TENM2: variants seen among roughly 807,000 people sequenced by gnomAD.
The protein encoded by TENM2 is teneurin-2.
In TENM2, 52 loss-of-function variants were observed where a neutral mutation model predicts 245.2. The ratio of observed to expected loss-of-function variants is 0.21; its 90% confidence interval spans 0.17 to 0.27. The LOEUF (loss-of-function observed/expected upper bound fraction) is 0.27, where lower values mean the gene tolerates loss of function less well. Among genes scored for constraint, TENM2 ranks in the 10% least tolerant of loss-of-function variants. The probability of loss-of-function intolerance (pLI) is 1.00; values close to 1 mark genes in which losing one functional copy is unlikely to be tolerated. For synonymous variants in TENM2, 1,363 were observed against 1,438.9 expected (o/e 0.95, Z 1.19); for missense variants, 3,046 against 3,666.8 (o/e 0.83, Z 4.37).
At chr5:167,103,460 A>C in the TENM2 span, among the ~76,000 whole-genome samples, 1 of 152,204 alleles carries the variant, frequency 6.6e-6, no homozygotes, top group Non-Finnish European at 1.5e-5. Context: ...CTAGTTTTCA[A>C]ATATTGATCA....
intron 2 of TENM2, among the ~76,000 whole-genome samples, chr5:167,457,031 C>T (rs1765965009): frequency 6.6e-6 from 1 of 152,130 alleles, no homozygotes; most frequent in Non-Finnish European, 1.5e-5. Flanking sequence ...TTCTCACCGG[C>T]CTTTCTTACC....
the TENM2 span, among the ~76,000 whole-genome samples, chr5:167,084,346 T>C: frequency 9.8e-6 from 1 of 101,592 alleles, no homozygotes; most frequent in African/African-American, 3.4e-5. Context: ...TATATATATA[T>C]ATATATATAT....
the TENM2 span, among the ~76,000 whole-genome samples, chr5:167,172,678 G>T: frequency 1.4e-5 from 2 of 147,166 alleles, no homozygotes; most frequent in Non-Finnish European, 3.0e-5. Context: ...AGGTTGGAGT[G>T]CAGTGGTCCT....
intron 2 of TENM2, among the ~76,000 whole-genome samples, chr5:167,733,092 A>G (rs944859451): frequency 6.6e-6 from 1 of 152,020 alleles, no homozygotes; most frequent in African/African-American, 2.4e-5. Context: ...CATCTCCTCA[A>G]TAGGATTCCT....
chr5:167,912,557 G>T (rs1242175483), intron 3 of TENM2, among the ~76,000 whole-genome samples: 1 of 152,164 alleles, frequency 6.6e-6, no homozygotes, highest in Non-Finnish European at 1.5e-5. Flanking sequence ...TGGGAGGAAG[G>T]AGTGGGTGAG....
At chr5:167,985,099 A>G (rs768609836) in intron 4 of TENM2, among the ~76,000 whole-genome samples, 30 of 152,302 alleles carry the variant, frequency 2.0e-4, no homozygotes, top group Non-Finnish European at 3.8e-4. Context: ...TCTTTTAGAG[A>G]CAATAAACCT....
At chr5:167,982,736 T>C (rs1394852091) in intron 4 of TENM2, among the ~76,000 whole-genome samples, 1 of 152,180 alleles carries the variant, frequency 6.6e-6, no homozygotes, top group South Asian at 2.1e-4. Flanking sequence ...CAGCAGACTT[T>C]TTGAGCACCT....
At chr5:167,556,306 T>A (rs1315848268) in intron 2 of TENM2, among the ~76,000 whole-genome samples, 1 of 152,084 alleles carries the variant, frequency 6.6e-6, no homozygotes, top group Non-Finnish European at 1.5e-5. Context: ...ACAAACTTAA[T>A]TCAATGGTAG....
chr5:168,155,699 T>C (rs1757093036), intron 12 of TENM2, among the ~76,000 whole-genome samples: 1 of 151,944 alleles, frequency 6.6e-6, no homozygotes, highest in Non-Finnish European at 1.5e-5. Flanking sequence ...GATCTCAGAG[T>C]GAGGCAAAGA....
At chr5:167,342,653 C>A (rs1250311381) in intron 1 of TENM2, among the ~76,000 whole-genome samples, 1 of 150,938 alleles carries the variant, frequency 6.6e-6, no homozygotes. Flanking sequence ...TCAGCCTCCC[C>A]AGTAGCTGGG....
chr5:166,979,999 G>T, the TENM2 span, among the ~76,000 whole-genome samples: 2 of 152,218 alleles, frequency 1.3e-5, no homozygotes, highest in Admixed American at 6.5e-5. Context: ...CTACTGTATG[G>T]TACATGCTGG....
intron 12 of TENM2, among the ~76,000 whole-genome samples, chr5:168,158,829 G>GTATATATATATATATATATA (rs780328417): frequency 1.6e-4 from 10 of 63,718 alleles, no homozygotes; most frequent in Admixed American, 4.5e-4. Flanking sequence ...GTGTGTGTGT[G>GTATATATATATATATATATA]TATATATATA....
chr5:167,016,281 CAAAAAAAA>C, the TENM2 span, among the ~76,000 whole-genome samples: 1 of 78,848 alleles, frequency 1.3e-5, no homozygotes, highest in Non-Finnish European at 2.6e-5. Flanking sequence ...AACAAACAAA[CAAAAAAAA>C]AAAAAAAAAA....
intron 2 of TENM2, among the ~76,000 whole-genome samples, chr5:167,454,546 T>G (rs1426071032): frequency 6.6e-6 from 1 of 151,992 alleles, no homozygotes; most frequent in African/African-American, 2.4e-5. Context: ...CACACATATT[T>G]ATGTGTGTGT....
chr5:167,117,192 T>C, the TENM2 span, among the ~76,000 whole-genome samples: 1 of 152,324 alleles, frequency 6.6e-6, no homozygotes, highest in East Asian at 1.9e-4. Context: ...TGCTGTGACC[T>C]TTCCTCATAG....
chr5:166,988,787 C>A, the TENM2 span, among the ~76,000 whole-genome samples: 2 of 152,180 alleles, frequency 1.3e-5, no homozygotes, highest in Non-Finnish European at 2.9e-5. Flanking sequence ...CACGGCTGCC[C>A]TAGAAATGTG....
chr5:167,832,976 A>T lies in TENM2; in HGVS notation c.503-43010A>T, dbSNP rs550635073. Among the ~76,000 whole-genome samples the T allele has an allele frequency of 1.9e-3, 292 of 152,178 alleles. 1 individual carries two copies. Among genetic ancestry groups the T allele is most frequent in the African/African-American group, 6.6e-3 (275 of 41,510 alleles). On this transcript the variant is annotated intron_variant, in intron 2 of 28. Transcript: ENST00000518659. ...AGCCTTTATCAGCACATCACTGGAC[A>T]CCCACAAAATCATTCAGAGTGGTTC...
At chr5:167,929,097 GAA>G (rs1778052423) in intron 3 of TENM2, among the ~76,000 whole-genome samples, 1 of 90,436 alleles carries the variant, frequency 1.1e-5, no homozygotes, top group Non-Finnish European at 2.2e-5. Context: ...AAGAAAGAAA[GAA>G]AGAAAGAAAG....
intron 2 of TENM2, among the ~76,000 whole-genome samples, chr5:167,767,304 C>A (rs547306297): frequency 6.6e-6 from 1 of 152,230 alleles, no homozygotes; most frequent in African/African-American, 2.4e-5. Flanking sequence ...CATGAAATGG[C>A]AAATATTGTA....
Sources: gnomAD v4.1 joint callset for allele counts (sites outside exome capture counted in the v4.1 genomes callset) on GRCh38, gnomAD v4.1.1 for gene constraint, MANE v1.5 for transcripts, NCBI Gene and HGNC (gene_info 2026-07-23, HGNC 2026-07-21) for gene names.